Variants in TNR observed in about 807,000 individuals in gnomAD.
TNR encodes the protein tenascin-R.
In TNR, 45 loss-of-function variants were observed where a neutral mutation model predicts 150.4. The ratio of observed to expected loss-of-function variants is 0.30; its 90% CI spans 0.24 to 0.38. TNR has a LOEUF of 0.38. TNR is among the 10% of genes least tolerant of loss of function. TNR has a pLI of 1.00. For missense variants in TNR, 1,544 were observed against 1,759.1 expected, an observed-to-expected ratio of 0.88 and a Z score of 2.19; for synonymous variants, 687 against 678.4, an observed-to-expected ratio of 1.01 and a Z score of -0.20.
intron 1 of TNR, among the ~76,000 whole-genome samples, chr1:175,710,588 C>T (rs1020178973): frequency 6.6e-6 from 1 of 152,078 alleles, no homozygotes; most frequent in African/African-American, 2.4e-5. Context: ...CTCCAGACAG[C>T]CCTCTTAAGT....
intron 9 of TNR, among the ~76,000 whole-genome samples, chr1:175,374,170 T>G (rs1172720241): frequency 6.6e-6 from 1 of 152,162 alleles, no homozygotes; most frequent in Non-Finnish European, 1.5e-5. Context: ...TTGAGTGCCG[T>G]GGTCAGTGCT....
intron 17 of TNR, among the ~76,000 whole-genome samples, 162 bp downstream of exon 17, chr1:175,355,341 C>T (rs1571330275): frequency 6.6e-6 from 1 of 151,706 alleles, no homozygotes; most frequent in South Asian, 2.1e-4. Context: ...AGGGCTCTCT[C>T]ATCAACAGCA....
At chr1:175,649,557 G>GAGCCCGGCACAC (rs1269716886) in intron 1 of TNR, among the ~76,000 whole-genome samples, 1 of 152,050 alleles carries the variant, frequency 6.6e-6, no homozygotes, top group Non-Finnish European at 1.5e-5. Flanking sequence ...GCCCGGCACA[G>GAGCCCGGCACAC]AGCCCGGCAC....
chr1:175,331,543 G>A (rs1247341994), intron 20 of TNR, among the ~76,000 whole-genome samples: 7 of 152,100 alleles, frequency 4.6e-5, no homozygotes, highest in East Asian at 3.9e-4. Flanking sequence ...GATTACAGGC[G>A]TGAGCCACTG....
At chr1:175,556,930 T>G (rs563634563) in intron 1 of TNR, 6 of 152,336 alleles carry the variant, frequency 3.9e-5, no homozygotes, top group African/African-American at 1.2e-4. Context: ...ACTTCCATGA[T>G]TATGTTGTGT....
intron 1 of TNR, among the ~76,000 whole-genome samples, chr1:175,613,191 G>C (rs796290765): frequency 5.9e-5 from 9 of 152,200 alleles, no homozygotes; most frequent in African/African-American, 2.2e-4. Context: ...GTGCTACAGG[G>C]CAAAGACATA....
intron 1 of TNR, among the ~76,000 whole-genome samples, chr1:175,607,608 TC>T (rs1663452304): frequency 1.3e-5 from 2 of 152,218 alleles, no homozygotes; most frequent in South Asian, 4.1e-4. Context: ...ATCTGATGAA[TC>T]CTTTCTGCAC....
At chr1:175,405,371 T>C (rs1321037617) in intron 3 of TNR, among the ~76,000 whole-genome samples, 1 of 152,216 alleles carries the variant, frequency 6.6e-6, no homozygotes, top group Non-Finnish European at 1.5e-5. Flanking sequence ...ATGGAACTGC[T>C]TAGGTCATCA....
chr1:175,452,466 G>C (rs958111150), intron 2 of TNR, among the ~76,000 whole-genome samples: 1 of 152,262 alleles, frequency 6.6e-6, no homozygotes, highest in African/African-American at 2.4e-5. Flanking sequence ...CGGAGGAGGA[G>C]GGATTTCAGC....
At chr1:175,360,483 T>C (rs1435679979) in intron 14 of TNR, among the ~76,000 whole-genome samples, 1 of 152,230 alleles carries the variant, frequency 6.6e-6, no homozygotes, top group African/African-American at 2.4e-5. Context: ...CTAGTCTTAC[T>C]TGCCCATGCT....
chr1:175,461,554 G>C (rs994980998), intron 2 of TNR, among the ~76,000 whole-genome samples: 8 of 152,174 alleles, frequency 5.3e-5, no homozygotes, highest in African/African-American at 1.7e-4. Flanking sequence ...TGAAAGAACA[G>C]AAAACGAAAT....
chr1:175,426,237 A>G (rs1434306261), intron 2 of TNR, among the ~76,000 whole-genome samples: 1 of 152,176 alleles, frequency 6.6e-6, no homozygotes, highest in African/African-American at 2.4e-5. Context: ...CTGAAGGAAG[A>G]AGCACATCTC....
intron 1 of TNR, among the ~76,000 whole-genome samples, chr1:175,734,508 C>G (rs1302154547): frequency 1.3e-5 from 2 of 152,156 alleles, no homozygotes. Flanking sequence ...GCATGGGCAG[C>G]AGGGGATGCA....
chr1:175,660,212 C>T (rs1665321228), intron 1 of TNR, among the ~76,000 whole-genome samples: 1 of 152,172 alleles, frequency 6.6e-6, no homozygotes, highest in Non-Finnish European at 1.5e-5. Context: ...GCATTCTGAC[C>T]AACTAGGGTG....
chr1:175,626,214 A>G (rs548523774), intron 1 of TNR, among the ~76,000 whole-genome samples: 34 of 152,302 alleles, frequency 2.2e-4, no homozygotes, highest in Admixed American at 1.8e-3. Context: ...GGTCTCGGGT[A>G]TGTCTTTATC....
rs536768861 is a variant in TNR, at chr1:175,333,756, AAAG to A, written c.3631+1952_3631+1954del. 8.4e-4 allele frequency among the ~76,000 whole-genome samples: 128 copies of A among 152,304 alleles called. 2 individuals are homozygous for A. The highest frequency in any genetic ancestry group is 3.0e-3 in the African/African-American group (123 of 41,564). ...AATGGACACTATGATCTGTGCCACA[AAAG>A]AAGGAGTGGCCACTTCTCCCACAGG... On this transcript the variant is annotated intron_variant, in intron 20 of 22. Transcript: ENST00000367674.
intron 1 of TNR, among the ~76,000 whole-genome samples, chr1:175,727,407 C>G (rs1200276684): frequency 6.6e-6 from 1 of 152,108 alleles, no homozygotes; most frequent in Non-Finnish European, 1.5e-5. Context: ...AGAGCAGTCT[C>G]TTTGGAGTAG....
chr1:175,671,910 C>CGTGTGT (rs1558065420), intron 1 of TNR, among the ~76,000 whole-genome samples: 10 of 100,892 alleles, frequency 9.9e-5, no homozygotes, highest in African/African-American at 4.3e-4. Context: ...ATGAGCTGTA[C>CGTGTGT]CTGTGTGTGT....
intron 2 of TNR, among the ~76,000 whole-genome samples, chr1:175,499,553 G>A (rs770153370): frequency 5.3e-5 from 8 of 152,132 alleles, no homozygotes; most frequent in Non-Finnish European, 1.2e-4. Flanking sequence ...ATCAGACTCT[G>A]CACCCTAGCT....
Sources: allele counts gnomAD v4.1 joint callset (sites outside exome capture counted in the v4.1 genomes callset), GRCh38; gene constraint gnomAD v4.1.1; transcripts MANE v1.5; gene names NCBI Gene and HGNC (gene_info 2026-07-23, HGNC 2026-07-21).